The following CSE1L variants were observed in gnomAD, a reference collection of about 807,000 sequenced individuals.
The protein encoded by CSE1L is chromosome segregation 1 like, also known as exportin-2.
In CSE1L, 24 loss-of-function variants were observed where a neutral mutation model predicts 120.4. The ratio of observed to expected loss-of-function variants is 0.20; its 90% CI spans 0.14 to 0.28. The LOEUF (loss-of-function observed/expected upper bound fraction) is 0.28, where lower values mean the gene tolerates loss of function less well. Among genes scored for constraint, CSE1L ranks in the 10% least tolerant of loss-of-function variants. The pLI is 1.00. For missense variants in CSE1L, 830 were observed against 1,145.2 expected (o/e 0.72, Z 3.97); for synonymous variants, 402 against 398.3 (o/e 1.01, Z -0.11).
intron 1 of CSE1L, among the ~76,000 whole-genome samples, chr20:49,048,603 C>T (rs927719332): frequency 3.3e-5 from 5 of 151,718 alleles, no homozygotes; most frequent in African/African-American, 9.7e-5. Context: ...ATAGAAGGCT[C>T]AAGGCTCAAG....
intron 21 of CSE1L, among the ~76,000 whole-genome samples, chr20:49,091,700 G>A (rs920425418): frequency 2.0e-5 from 3 of 152,198 alleles, no homozygotes; most frequent in Non-Finnish European, 4.4e-5. Context: ...CAGCCTAGGT[G>A]ATAGAGTGAA....
intron 7 of CSE1L, among the ~76,000 whole-genome samples, chr20:49,069,506 T>G (rs1211063662): frequency 6.6e-6 from 1 of 152,226 alleles, no homozygotes; most frequent in Non-Finnish European, 1.5e-5. Context: ...TGGACTTACC[T>G]TCACAACATG....
intron 12 of CSE1L, 118 bp from the exon 13 acceptor site, chr20:49,076,862 G>A (rs1199566220): frequency 2.0e-5 from 12 of 598,488 alleles, no homozygotes; most frequent in Admixed American, 1.0e-4. Context: ...TAAGCAATTT[G>A]TATTTTGAAG....
In CSE1L at chr20:49,066,256, A is replaced by G; in HGVS notation, c.293A>G (p.His98Arg). 7 of 1,614,244 alleles carry G rather than the reference A, an allele frequency of 4.3e-6. No individual in the cohort carries two copies. The highest frequency in any genetic ancestry group is 1.1e-5 in the South Asian group (1 of 91,084). ...DRVAIKANIV[H>R]LMLSSPEQIQ... Reference sequence around the variant, plus strand: ...GTGGCCATTAAAGCCAACATAGTGCACTTGATGCTTAGCAGCCCAGAGCAA... The same window carrying G: ...GTGGCCATTAAAGCCAACATAGTGCGCTTGATGCTTAGCAGCCCAGAGCAA... Residue 98 changes from histidine (H) to arginine (R), a missense_variant, in exon 4 of 25, where the codon CAC becomes CGC. Transcript: ENST00000262982.
chr20:49,056,654 A>G (rs1023848871), intron 1 of CSE1L, among the ~76,000 whole-genome samples: 3 of 151,636 alleles, frequency 2.0e-5, no homozygotes, highest in Admixed American at 6.6e-5. Context: ...AATCATGCAC[A>G]TCTGACACTT....
intron 8 of CSE1L, among the ~76,000 whole-genome samples, 184 bp from the exon 9 acceptor site, chr20:49,072,102 G>T (rs998457248): frequency 6.6e-6 from 1 of 152,058 alleles, no homozygotes; most frequent in African/African-American, 2.4e-5. Context: ...GAAATATTTT[G>T]TAATTCAGCA....
chr20:49,058,427 T>C, intron 1 of CSE1L, 26 bp from the exon 2 acceptor site: 2 of 1,499,370 alleles, frequency 1.3e-6, no homozygotes, highest in South Asian at 2.3e-5. Flanking sequence ...AGTGACCAGT[T>C]ATCCAAACCT....
intron 1 of CSE1L, 31 bp from the exon 2 acceptor site, chr20:49,058,422 C>T (rs2091826073): frequency 1.3e-5 from 19 of 1,433,628 alleles, no homozygotes; most frequent in Non-Finnish European, 1.8e-5. Flanking sequence ...CCGTAAGTGA[C>T]CAGTTATCCA....
intron 1 of CSE1L, among the ~76,000 whole-genome samples, chr20:49,055,592 C>G (rs906740666): frequency 8.5e-5 from 13 of 152,052 alleles, no homozygotes; most frequent in Non-Finnish European, 1.9e-4. Context: ...TTGATTGCGC[C>G]TGTAGTCCCA....
chr20:49,048,872 A>G (rs1176206460), intron 1 of CSE1L, among the ~76,000 whole-genome samples: 2 of 152,192 alleles, frequency 1.3e-5, no homozygotes, highest in Admixed American at 1.3e-4. Flanking sequence ...TCCCAAATGT[A>G]AGGCCTCGGG....
intron 5 of CSE1L, 126 bp downstream of exon 5, chr20:49,066,636 T>C: frequency 1.2e-6 from 1 of 836,046 alleles, no homozygotes; most frequent in Admixed American, 2.9e-5. Flanking sequence ...AGAGCAGAAG[T>C]TTCTGTATTG....
intron 1 of CSE1L, among the ~76,000 whole-genome samples, chr20:49,056,847 CTG>C (rs3223230): frequency 0.045 from 6,699 of 148,932 alleles, 172 homozygotes; most frequent in African/African-American, 0.052. Flanking sequence ...ACTTCACATG[CTG>C]TGTGTGTGTG....
At chr20:49,058,624 C>G in intron 2 of CSE1L, 76 bp downstream of exon 2, 1 of 1,102,844 alleles carries the variant, frequency 9.1e-7, no homozygotes, top group Non-Finnish European at 1.3e-6. Flanking sequence ...TATCTGCCTC[C>G]TTATAAATAT....
At chr20:49,065,242 A>C (rs1241970904) in intron 3 of CSE1L, among the ~76,000 whole-genome samples, 2 of 149,514 alleles carry the variant, frequency 1.3e-5, no homozygotes, top group East Asian at 3.9e-4. Flanking sequence ...ATGTGTATGG[A>C]TTAAGTAGCA....
chr20:49,096,537 C>T lies in CSE1L; in HGVS notation c.*99C>T. ...AAACAAAGGAAGTTCTCCTTTTGAACTTGTCACGAATTCCATCTTGTAAAG... is the reference window on the plus strand; with the variant it reads ...AAACAAAGGAAGTTCTCCTTTTGAATTTGTCACGAATTCCATCTTGTAAAG... On this transcript the variant is annotated 3_prime_UTR_variant, in exon 25 of 25. Coordinates refer to ENST00000262982, the MANE Select transcript of CSE1L (RefSeq NM_001316.4). 1 of 877,838 alleles carries T rather than the reference C, an allele frequency of 1.1e-6. No homozygotes were observed. Among genetic ancestry groups the T allele is most frequent in the East Asian group, 2.5e-5 (1 of 39,484 alleles). 54.4% of individuals were successfully genotyped at this position (877,838 alleles called of 1,614,324 possible).
intron 11 of CSE1L, 93 bp downstream of exon 11, chr20:49,074,943 TAA>T (rs767183975): frequency 1.1e-6 from 1 of 907,392 alleles, no homozygotes; most frequent in Middle Eastern, 2.5e-4. Context: ...GGATTGAGAA[TAA>T]GAGTGTTTTT....
intron 2 of CSE1L, among the ~76,000 whole-genome samples, chr20:49,062,929 G>T (rs1487131835): frequency 6.6e-6 from 1 of 151,816 alleles, no homozygotes; most frequent in Non-Finnish European, 1.5e-5. Flanking sequence ...AGCTTCTCTT[G>T]CAGATGAGAT....
intron 6 of CSE1L, among the ~76,000 whole-genome samples, chr20:49,067,516 G>A (rs1259976039): frequency 6.6e-6 from 1 of 152,050 alleles, no homozygotes; most frequent in Non-Finnish European, 1.5e-5. Flanking sequence ...TCTTAGGAAT[G>A]TTATAAAAGC....
At chr20:49,086,466 A>G (rs1051758802) in intron 16 of CSE1L, among the ~76,000 whole-genome samples, 9 of 145,534 alleles carry the variant, frequency 6.2e-5, no homozygotes, top group Non-Finnish European at 1.3e-4. Context: ...CCTGGGTTCA[A>G]GCGATTCGCC....
Sources: allele counts gnomAD v4.1 joint callset (sites outside exome capture counted in the v4.1 genomes callset), GRCh38; gene constraint gnomAD v4.1.1; transcripts MANE v1.5; gene names NCBI Gene and HGNC (gene_info 2026-07-23, HGNC 2026-07-21).